DSCAM: variants seen among roughly 807,000 people sequenced by gnomAD.
DSCAM encodes DS cell adhesion molecule, also known as cell adhesion molecule DSCAM.
In DSCAM, 47 loss-of-function variants were observed where a neutral mutation model predicts 217.7. That is an observed-to-expected ratio of 0.22 (90% CI 0.17 to 0.28). The LOEUF (loss-of-function observed/expected upper bound fraction) is 0.28, where lower values mean the gene tolerates loss of function less well. Among genes scored for constraint, DSCAM ranks in the 10% least tolerant of loss-of-function variants. DSCAM has a pLI of 1.00. For missense variants in DSCAM, 2,080 were observed against 2,618.3 expected (o/e 0.79, Z 4.49); for synonymous variants, 1,056 against 1,015.3 (o/e 1.04, Z -0.76).
intron 3 of DSCAM, among the ~76,000 whole-genome samples, chr21:40,554,219 G>A (rs13050571): frequency 6.8e-6 from 1 of 148,110 alleles, no homozygotes; most frequent in Non-Finnish European, 1.5e-5. Context: ...TTTTTAATGC[G>A]ACAAATTGTT....
chr21:40,197,869 A>G (rs2091030101), intron 11 of DSCAM, among the ~76,000 whole-genome samples: 2 of 152,200 alleles, frequency 1.3e-5, no homozygotes, highest in Admixed American at 1.3e-4. Flanking sequence ...TAGTAAATGG[A>G]AGATCTAGAA....
In DSCAM at chr21:40,133,353, T is replaced by C. The variant is rs536881153; in HGVS notation, c.3562+501A>G. Among the ~76,000 whole-genome samples, 31 of 152,256 alleles carry C rather than the reference T, an allele frequency of 2.0e-4. 1 individual carries two copies. The highest frequency in any genetic ancestry group is 2.0e-3 in the Admixed American group (30 of 15,298). On this transcript the variant is annotated intron_variant, in intron 19 of 32. Transcript: ENST00000400454. ...ATTTTTACTAAATCACCATGAATTC[T>C]TGCAAGAATTAAAAAAAATTAACAT...
At chr21:40,488,855 AC>A (rs1011955048) in intron 3 of DSCAM, among the ~76,000 whole-genome samples, 1 of 152,214 alleles carries the variant, frequency 6.6e-6, no homozygotes, top group African/African-American at 2.4e-5. Flanking sequence ...CCAAAAGCCA[AC>A]AAAAATGAGT....
At chr21:40,142,998 T>C (rs2090311632) in intron 17 of DSCAM, among the ~76,000 whole-genome samples, 1 of 152,230 alleles carries the variant, frequency 6.6e-6, no homozygotes, top group African/African-American at 2.4e-5. Flanking sequence ...TGTACCCTTC[T>C]TAATTTTATT....
chr21:40,516,573 G>A (rs1250894318), intron 3 of DSCAM, among the ~76,000 whole-genome samples: 3 of 152,164 alleles, frequency 2.0e-5, no homozygotes, highest in East Asian at 1.9e-4. Context: ...GAGCCTTGAG[G>A]AGCCTTCATT....
intron 11 of DSCAM, among the ~76,000 whole-genome samples, chr21:40,222,223 T>C (rs2091294540): frequency 6.6e-6 from 1 of 152,230 alleles, no homozygotes; most frequent in Non-Finnish European, 1.5e-5. Context: ...TTAGTAGTGA[T>C]ATTATAAATG....
At chr21:40,277,004 C>G (rs993740231) in intron 10 of DSCAM, among the ~76,000 whole-genome samples, 1 of 151,564 alleles carries the variant, frequency 6.6e-6, no homozygotes, top group Non-Finnish European at 1.5e-5. Flanking sequence ...AATAATGAAA[C>G]AGATTATGAA....
chr21:40,550,502 G>C (rs1476990443), intron 3 of DSCAM, among the ~76,000 whole-genome samples: 1 of 152,180 alleles, frequency 6.6e-6, no homozygotes, highest in African/African-American at 2.4e-5. Flanking sequence ...TCCAGAATGA[G>C]TGACAGAGCA....
At chr21:40,377,883 A>C (rs1472719728) in intron 3 of DSCAM, among the ~76,000 whole-genome samples, 5 of 152,212 alleles carry the variant, frequency 3.3e-5, no homozygotes, top group Non-Finnish European at 7.3e-5. Flanking sequence ...TTGAGTACAT[A>C]TACAACCTGT....
intron 20 of DSCAM, among the ~76,000 whole-genome samples, chr21:40,121,679 G>GTTTTTTTTTT (rs1568951642): frequency 1.3e-5 from 1 of 76,714 alleles, no homozygotes; most frequent in African/African-American, 4.8e-5. Context: ...TCTCATTACT[G>GTTTTTTTTTT]TCTTTTTTTT....
At chr21:40,485,433 G>A (rs953089849) in intron 3 of DSCAM, among the ~76,000 whole-genome samples, 14 of 151,420 alleles carry the variant, frequency 9.2e-5, no homozygotes, top group African/African-American at 2.2e-4. Context: ...TAGTAGAGAC[G>A]GGGTTTCACC....
chr21:40,500,688 T>C (rs563289283), intron 3 of DSCAM, among the ~76,000 whole-genome samples: 1 of 152,266 alleles, frequency 6.6e-6, no homozygotes, highest in African/African-American at 2.4e-5. Context: ...TAAGAGCAGC[T>C]CAAAACTGTC....
At chr21:40,844,964 A>T (rs1168233543) in intron 1 of DSCAM, among the ~76,000 whole-genome samples, 2 of 152,196 alleles carry the variant, frequency 1.3e-5, no homozygotes, top group African/African-American at 4.8e-5. Context: ...GACAGGCGAA[A>T]CAGGGTGTCA....
intron 1 of DSCAM, among the ~76,000 whole-genome samples, chr21:40,839,392 A>G (rs186218368): frequency 1.4e-4 from 21 of 152,330 alleles, no homozygotes; most frequent in Non-Finnish European, 2.4e-4. Flanking sequence ...GCCGTGAAAC[A>G]TCTTTAAGAA....
Position 40,320,032 on chromosome 21 carries a change from C to A in DSCAM, c.1784-7673G>T, listed in dbSNP as rs1032830073. On this transcript the variant is annotated intron_variant, in intron 8 of 32. Coordinates refer to ENST00000400454, the MANE Select transcript of DSCAM (RefSeq NM_001389.5). ...CATGGACACAGGGAGAGGAAGAAAG[C>A]ATGTGAAAGCATGGGTAAGGGGAGG... Among the ~76,000 whole-genome samples the A allele has an allele frequency of 3.3e-5, 5 of 152,180 alleles. No individual in the cohort carries two copies. In the South Asian group the frequency reaches 8.3e-4, roughly 25 times the overall value.
chr21:40,452,038 G>GC (rs1016296869), intron 3 of DSCAM, among the ~76,000 whole-genome samples: 4 of 151,976 alleles, frequency 2.6e-5, no homozygotes, highest in Non-Finnish European at 5.9e-5. Flanking sequence ...GTACCGATAG[G>GC]CCCCTCAACC....
At chr21:40,047,992 C>G (rs1334883221) in intron 30 of DSCAM, among the ~76,000 whole-genome samples, 1 of 152,158 alleles carries the variant, frequency 6.6e-6, no homozygotes, top group Non-Finnish European at 1.5e-5. Context: ...TGTAGTATCT[C>G]TACCTAAAGG....
At chr21:40,182,622 C>CAGCAGAGAAACCGTGGACAGGAGGGGGTT (rs2090826228) in intron 14 of DSCAM, among the ~76,000 whole-genome samples, 1 of 100,996 alleles carries the variant, frequency 9.9e-6, no homozygotes, top group African/African-American at 4.6e-5. Context: ...CAGAACGGGC[C>CAGCAGAGAAACCGTGGACAGGAGGGGGTT]ACCAGAGAAA....
intron 11 of DSCAM, among the ~76,000 whole-genome samples, chr21:40,251,684 G>A (rs1213105041): frequency 6.6e-6 from 1 of 152,146 alleles, no homozygotes; most frequent in East Asian, 1.9e-4. Context: ...TCATGCCCTT[G>A]TGGAATCTCC....
Sources: gnomAD v4.1 joint callset for allele counts (sites outside exome capture counted in the v4.1 genomes callset) on GRCh38, gnomAD v4.1.1 for gene constraint, MANE v1.5 for transcripts, NCBI Gene and HGNC (gene_info 2026-07-23, HGNC 2026-07-21) for gene names.